ZBTB8B: variants seen among roughly 807,000 people sequenced by gnomAD.
ZBTB8B encodes the protein zinc finger and BTB domain-containing protein 8B.
In ZBTB8B, 17 loss-of-function variants were observed where a neutral mutation model predicts 30.3. The observed-to-expected ratio is 0.56, with a 90% CI of 0.38 to 0.84. The LOEUF (loss-of-function observed/expected upper bound fraction) is 0.84. Among genes scored for constraint, ZBTB8B ranks in the 40% least tolerant of loss-of-function variants. The pLI, the probability that ZBTB8B is intolerant of heterozygous loss-of-function variation, is 0.00. For synonymous variants in ZBTB8B, 248 were observed against 255.6 expected (o/e 0.97, Z 0.28); for missense variants, 515 against 644.9 (o/e 0.80, Z 2.18).
chr1:32,476,008 G>T (rs1400644831), intron 2 of ZBTB8B, among the ~76,000 whole-genome samples: 2 of 152,042 alleles, frequency 1.3e-5, no homozygotes, highest in South Asian at 2.1e-4. Context: ...CGTAGCAACA[G>T]GGTTTCACTA....
chr1:32,471,290 T>G lies in ZBTB8B; in HGVS notation c.666T>G (p.Thr222=). The G allele has an allele frequency of 6.4e-7, 1 of 1,551,772 alleles. No individual in the cohort carries two copies. The highest frequency in any genetic ancestry group is 8.7e-7 in the Non-Finnish European group (1 of 1,147,020). Residue 222 remains threonine, a synonymous_variant, in exon 2 of 4, where the codon ACT becomes ACG. Transcript: ENST00000609129. Reference sequence around the variant, plus strand: ...GCTCGGCTGACAGCAACCTCTCTACTCCACCCAAACGGATAGAGCCCAAGG... The same window carrying G: ...GCTCGGCTGACAGCAACCTCTCTACGCCACCCAAACGGATAGAGCCCAAGG... The part of the protein sequence containing the change: ...GGGSADSNLS[T]PPKRIEPKVE...
Position 32,491,329 on chromosome 1 carries a change from G to A in ZBTB8B, c.*5911G>A, listed in dbSNP as rs1643778448. 1 of 152,176 alleles carries A rather than the reference G, an allele frequency of 6.6e-6. No individual in the cohort carries two copies. Among genetic ancestry groups the A allele is most frequent in the South Asian group, 2.1e-4 (1 of 4,836 alleles). The allele number at this position is 152,176 out of a possible 1,614,324, so 9.4% of individuals were successfully genotyped here. On this transcript the variant is annotated 3_prime_UTR_variant, in exon 4 of 4. Transcript: ENST00000609129. ...TTTTACCATCCATAGCCCCTGAGGAGCATCTACTGCCATCAGAAAAACATG... is the reference window on the plus strand; with the variant it reads ...TTTTACCATCCATAGCCCCTGAGGAACATCTACTGCCATCAGAAAAACATG...
rs968091442 is a variant in ZBTB8B, at chr1:32,465,758, T to C, written c.-42+653T>C. On this transcript the variant is annotated intron_variant, in intron 1 of 3. Transcript: ENST00000609129. This position sits in a 1 kb window ranked among gnomAD's most constrained non-coding sequence, Gnocchi z 4.1. ...GTGGTTAAGGATGTCAACCCGGGAG[T>C]CAGTCGGATCTCTGTTCTATTACTA... Among the ~76,000 whole-genome samples, 3 of 152,168 alleles carry C rather than the reference T, an allele frequency of 2.0e-5. No homozygotes were observed. Among genetic ancestry groups the C allele is most frequent in the African/African-American group, 7.2e-5 (3 of 41,506 alleles).
rs1643617467 is a variant in ZBTB8B at position 32,471,242 on chromosome 1, G to A, written c.618G>A (p.Val206=). The A allele has an allele frequency of 5.8e-6, 9 of 1,551,942 alleles. No individual in the cohort carries two copies. The highest frequency in any genetic ancestry group is 7.8e-6 in the Non-Finnish European group (9 of 1,147,034). The stretch of plus-strand genomic sequence containing the variant: ...GAGACTGCCACCCCTTGGAACTGGT[G>A]GTGAGAGACAGCCTTGGCGGTGGCT... The part of the protein sequence containing the change: ...DCGDCHPLEL[V]VRDSLGGGSA... The change falls in exon 2 of 4, where the codon GTG becomes GTA. Residue 206 remains valine, a synonymous_variant. Transcript: ENST00000609129.
chr1:32,481,419 ATCCTCAGTT>A (rs1267130217), intron 3 of ZBTB8B, among the ~76,000 whole-genome samples: 1 of 152,042 alleles, frequency 6.6e-6, no homozygotes, highest in Non-Finnish European at 1.5e-5. Flanking sequence ...GGTAAGCTGC[ATCCTCAGTT>A]TCCCACCGAG....
chr1:32,481,048 C>G lies in ZBTB8B; in HGVS notation c.1149C>G (p.His383Gln). Residue 383 changes from histidine (H) to glutamine (Q), a missense_variant, in exon 3 of 4, where the codon CAC (histidine) becomes CAG (glutamine). Transcript: ENST00000609129. ...TCGKRFTRQE[H>Q]LRSHALSVHR... ...GCAAGAGGTTCACTCGACAAGAGCA[C>G]CTGCGGAGCCACGCACTGAGTGTAA... is the stretch of plus-strand genomic sequence containing the variant. 1 of 1,551,704 alleles carries G rather than the reference C, an allele frequency of 6.4e-7. No individual in the cohort carries two copies. The highest frequency in any genetic ancestry group is 1.2e-5 in the South Asian group (1 of 84,002).
chr1:32,486,590 G>A lies in ZBTB8B; in HGVS notation c.*1172G>A, dbSNP rs1490905928. Reference sequence around the variant, plus strand: ...GGTGGTAACTTCCAAGCCGCTGGGTGGTTGCCATGATAAGGGGCAGTGACT... The same window carrying A: ...GGTGGTAACTTCCAAGCCGCTGGGTAGTTGCCATGATAAGGGGCAGTGACT... On this transcript the variant is annotated 3_prime_UTR_variant, in exon 4 of 4. Transcript: ENST00000609129. The A allele has an allele frequency of 6.6e-6, 1 of 152,186 alleles. No homozygotes were observed. The highest frequency in any genetic ancestry group is 6.5e-5 in the Admixed American group (1 of 15,280). 9.4% of individuals were successfully genotyped at this position (152,186 alleles called of 1,614,324 possible).
chr1:32,471,608 G>T lies in ZBTB8B; in HGVS notation c.984G>T (p.Glu328Asp). The T allele has an allele frequency of 2.6e-6, 4 of 1,548,986 alleles. No individual in the cohort carries two copies. Among genetic ancestry groups the T allele is most frequent in the Non-Finnish European group, 3.5e-6 (4 of 1,144,738 alleles). Reference protein sequence around the residue: ...MMDVQADWYGEDSGDVLVVPI... With the variant: ...MMDVQADWYGDDSGDVLVVPI... The stretch of plus-strand genomic sequence containing the variant: ...ATGTCCAGGCTGACTGGTATGGAGA[G>T]GACTCAGGTGAGCTCCCTTAGCATT... Residue 328 changes from glutamate to aspartate, a missense_variant, in exon 2 of 4, where the codon GAG becomes GAT. By Grantham distance (45) the Glu-to-Asp change is conservative (BLOSUM62 2). Transcript: ENST00000609129.
At position 32,465,600 on chromosome 1, in the gene ZBTB8B, C is replaced by T. The variant is rs746529551; in HGVS notation, c.-42+495C>T. ...TTGCGAGCAGTTTAGATGCAGTTGA[C>T]CCTGAAATTCTTCGTATGGAAATGG... On this transcript the variant is annotated intron_variant, in intron 1 of 3. Coordinates refer to ENST00000609129, the MANE Select transcript of ZBTB8B (RefSeq NM_001145720.2). This position sits in a 1 kb window ranked among gnomAD's most constrained non-coding sequence, Gnocchi z 4.1. Among the ~76,000 whole-genome samples the T allele has an allele frequency of 4.6e-5, 7 of 152,182 alleles. No homozygotes were observed. Among genetic ancestry groups the T allele is most frequent in the Non-Finnish European group, 7.3e-5 (5 of 68,028 alleles).
chr1:32,470,435 G>A (rs1482948657), intron 1 of ZBTB8B, 149 bp from the exon 2 acceptor site: 1 of 681,798 alleles, frequency 1.5e-6, no homozygotes, highest in East Asian at 3.4e-5. Context: ...AGGAGGCGGA[G>A]GTTGCAGTGA....
intron 1 of ZBTB8B, among the ~76,000 whole-genome samples, chr1:32,469,928 C>T (rs1643602809): frequency 6.6e-6 from 1 of 152,026 alleles, no homozygotes; most frequent in African/African-American, 2.4e-5. Context: ...GCTCTGTCAC[C>T]CAGGTTGGAG....
Position 32,465,938 on chromosome 1 carries a change from C to T in ZBTB8B, c.-42+833C>T, listed in dbSNP as rs886475442. Reference sequence around the variant, plus strand: ...GCGCGCACCTGTAGTCCCTGCTACTCGGGAAGCTAAGGTTGGGAGGATCTC... The same window carrying T: ...GCGCGCACCTGTAGTCCCTGCTACTTGGGAAGCTAAGGTTGGGAGGATCTC... On this transcript the variant is annotated intron_variant, in intron 1 of 3. Transcript: ENST00000609129. This position sits in a 1 kb window ranked among gnomAD's most constrained non-coding sequence, Gnocchi z 4.1. 1.3e-5 allele frequency among the ~76,000 whole-genome samples: 2 copies of T among 152,052 alleles called. No individual in the cohort carries two copies. Among genetic ancestry groups the T allele is most frequent in the South Asian group, 4.2e-4 (2 of 4,816 alleles).
Position 32,471,620 on chromosome 1 carries a change from G to A in ZBTB8B, c.991+5G>A, listed in dbSNP as rs1257211766. The A allele has an allele frequency of 6.5e-7, 1 of 1,547,156 alleles. No homozygotes were observed. The highest frequency in any genetic ancestry group is 8.7e-7 in the Non-Finnish European group (1 of 1,143,496). On this transcript the variant is annotated splice_donor_5th_base_variant and intron_variant, in intron 2 of 3. Transcript: ENST00000609129. ...ACTGGTATGGAGAGGACTCAGGTGA[G>A]CTCCCTTAGCATTCATCAGCCCTGC... is the stretch of plus-strand genomic sequence containing the variant.
chr1:32,470,039 G>A (rs1210110575), intron 1 of ZBTB8B, among the ~76,000 whole-genome samples: 1 of 151,956 alleles, frequency 6.6e-6, no homozygotes, highest in African/African-American at 2.4e-5. Flanking sequence ...GCCCGGCTAA[G>A]TTTTGTATTT....
Position 32,466,823 on chromosome 1 carries a change from G to T in ZBTB8B, c.-42+1718G>T, listed in dbSNP as rs112672497. 9.2e-3 allele frequency among the ~76,000 whole-genome samples: 1,401 copies of T among 152,140 alleles called. 23 individuals carry two copies. The highest frequency in any genetic ancestry group is 0.031 in the African/African-American group (1,304 of 41,496). ...TACTACAAGTTAAGAAGTGTTGTGC[G>T]TACTTACATATTTATCTACCTGGCT... On this transcript the variant is annotated intron_variant, in intron 1 of 3. Coordinates refer to ENST00000609129, the MANE Select transcript of ZBTB8B (RefSeq NM_001145720.2).
Position 32,485,672 on chromosome 1 carries a change from C to T in ZBTB8B, c.*254C>T. ...TTAATTCTGAGTGAGTCAAAGCAGG[C>T]CCTGAGGTCTCCTGTTTTTCTTGCT... On this transcript the variant is annotated 3_prime_UTR_variant, in exon 4 of 4. Coordinates refer to ENST00000609129, the MANE Select transcript of ZBTB8B (RefSeq NM_001145720.2). The T allele has an allele frequency of 2.2e-6, 1 of 460,712 alleles. No homozygotes were observed. Among genetic ancestry groups the T allele is most frequent in the South Asian group, 2.8e-5 (1 of 36,022 alleles). 28.5% of individuals were successfully genotyped at this position (460,712 alleles called of 1,614,324 possible).
rs1643726642 is a variant in ZBTB8B, at chr1:32,484,022, TAGTG to T, written c.1171-1076_1171-1073del. On this transcript the variant is annotated intron_variant, in intron 3 of 3. Transcript: ENST00000609129. The surrounding 1 kb of genome is among the most constrained non-coding windows in gnomAD (Gnocchi z 4.5). ...GAGTTCAAGACCAGTCTGGGCAACATAGTGAGACTCCACCTCTACAAGAAATAAA... is the reference window on the plus strand; with the variant it reads ...GAGTTCAAGACCAGTCTGGGCAACATAGACTCCACCTCTACAAGAAATAAA... Among the ~76,000 whole-genome samples, 1 of 151,822 alleles carries T rather than the reference TAGTG, an allele frequency of 6.6e-6. No homozygotes were observed. Among genetic ancestry groups the T allele is most frequent in the South Asian group, 2.1e-4 (1 of 4,824 alleles).
rs546645411 is a variant in ZBTB8B at position 32,485,537 on chromosome 1, T to C, written c.*119T>C. On this transcript the variant is annotated 3_prime_UTR_variant, in exon 4 of 4. Coordinates refer to ENST00000609129, the MANE Select transcript of ZBTB8B (RefSeq NM_001145720.2). ...GAGGAACATTTTTTCACTGTTATTATATGTGCATTTTTATTAGACTATCTG... is the reference window on the plus strand; with the variant it reads ...GAGGAACATTTTTTCACTGTTATTACATGTGCATTTTTATTAGACTATCTG... The C allele has an allele frequency of 2.9e-6, 3 of 1,025,154 alleles. No homozygotes were observed. The highest frequency in any genetic ancestry group is 2.6e-5 in the East Asian group (1 of 38,274). The allele number at this position is 1,025,154 out of a possible 1,614,324, so 63.5% of individuals were successfully genotyped here. A position where few individuals can be genotyped will look rare whatever the true frequency, so the allele number is the denominator to read the frequency against.
Position 32,485,582 on chromosome 1 carries a change from A to T in ZBTB8B, c.*164A>T. The T allele has an allele frequency of 1.3e-6, 1 of 742,292 alleles. No homozygotes were observed. The highest frequency in any genetic ancestry group is 2.1e-6 in the Non-Finnish European group (1 of 467,956). 46.0% of individuals were successfully genotyped at this position (742,292 alleles called of 1,614,324 possible). A position where few individuals can be genotyped will look rare whatever the true frequency, so the allele number is the denominator to read the frequency against. ...TATCTGATAGAGGTTGGATTTTGTG[A>T]CTCAAAGGACAGATAACCTTTTTGT... On this transcript the variant is annotated 3_prime_UTR_variant, in exon 4 of 4. Transcript: ENST00000609129.
Sources: allele counts gnomAD v4.1 joint callset (sites outside exome capture counted in the v4.1 genomes callset), GRCh38; gene constraint gnomAD v4.1.1; non-coding constraint Gnocchi (gnomAD v3.1); transcripts MANE v1.5; gene names NCBI Gene and HGNC (gene_info 2026-07-23, HGNC 2026-07-21).